The following NADSYN1 variants were observed in gnomAD, a reference collection of about 807,000 sequenced individuals.
The protein encoded by NADSYN1 is NAD synthetase 1, also known as glutamine-dependent NAD(+) synthetase.
Under a neutral mutation model 99.3 loss-of-function variants are expected in NADSYN1, and 80 were observed. The observed-to-expected ratio is 0.81, with a 90% CI of 0.67 to 0.97. The LOEUF is 0.97. Among genes scored for constraint, NADSYN1 ranks in the 50% least tolerant of loss-of-function variants. The pLI is 0.00. For missense variants in NADSYN1, 859 were observed against 948.5 expected, an observed-to-expected ratio of 0.91 and a Z score of 1.24; for synonymous variants, 385 against 372.1, an observed-to-expected ratio of 1.03 and a Z score of -0.40.
At position 71,453,259 on chromosome 11, in the gene NADSYN1, TC is replaced by T; in HGVS notation, c.-33del. 1 of 1,592,178 alleles carries T rather than the reference TC, an allele frequency of 6.3e-7. No homozygotes were observed. The highest frequency in any genetic ancestry group is 8.6e-7 in the Non-Finnish European group (1 of 1,163,314). ...CCTCGCTGGGACCCTGGTCTTGCTG[TC>T]CCCCGCTGGCCTCCTGCCCAAGCGA... is the stretch of plus-strand genomic sequence containing the variant. On this transcript the variant is annotated 5_prime_UTR_variant, in exon 1 of 21. Coordinates refer to ENST00000319023, the MANE Select transcript of NADSYN1 (RefSeq NM_018161.5).
intron 1 of NADSYN1, among the ~76,000 whole-genome samples, chr11:71,454,501 C>T (rs1792315): frequency 0.28 from 42,422 of 152,134 alleles, 6,417 homozygotes; most frequent in South Asian, 0.46. Context: ...CATGAGCCAC[C>T]GCAGCCAGTG....
At chr11:71,453,420 G>C in intron 1 of NADSYN1, 39 bp downstream of exon 1, 1 of 1,567,404 alleles carries the variant, frequency 6.4e-7, no homozygotes, top group South Asian at 1.1e-5. Flanking sequence ...TTGGGGTGGC[G>C]CACGGGCACC....
chr11:71,460,395 G>C (rs1253534881), intron 3 of NADSYN1, among the ~76,000 whole-genome samples: 1 of 152,152 alleles, frequency 6.6e-6, no homozygotes, highest in Non-Finnish European at 1.5e-5. Context: ...CTGTTGTCCA[G>C]GCTGGAGTGC....
rs1050644852 is a variant in NADSYN1, at chr11:71,473,650, C to G, written c.630C>G (p.Asn210Lys). The G allele has an allele frequency of 2.5e-6, 4 of 1,613,044 alleles. No individual in the cohort carries two copies. In the African/African-American group the frequency reaches 5.3e-5, roughly 22 times the overall value. Residue 210 changes from asparagine (N) to lysine (K), a missense_variant, in exon 8 of 21, where the codon AAC becomes AAG. Transcript: ENST00000319023. ...SGSHQVLRKA[N>K]TRVDLVTMVT... ...GCCACCAAGTGCTGCGCAAAGCCAACACCAGGGTGGATCTCGTGACTATGG... is the reference window on the plus strand; with the variant it reads ...GCCACCAAGTGCTGCGCAAAGCCAAGACCAGGGTGGATCTCGTGACTATGG...
At chr11:71,470,147 A>C (rs1314321290) in intron 5 of NADSYN1, among the ~76,000 whole-genome samples, 3 of 152,218 alleles carry the variant, frequency 2.0e-5, no homozygotes, top group Non-Finnish European at 1.5e-5. Context: ...CCATTGTAAA[A>C]GCATCAAATC....
chr11:71,467,066 C>A (rs1300080614), intron 5 of NADSYN1, among the ~76,000 whole-genome samples: 1 of 152,226 alleles, frequency 6.6e-6, no homozygotes, highest in African/African-American at 2.4e-5. Context: ...CATAAGTCCA[C>A]TGCACAGAGA....
intron 4 of NADSYN1, 82 bp downstream of exon 4, chr11:71,463,567 G>C: frequency 7.3e-7 from 1 of 1,366,404 alleles, no homozygotes; most frequent in South Asian, 1.2e-5. Context: ...ACCCGTGCTG[G>C]TGCCCTGGGG....
At position 71,474,642 on chromosome 11, in the gene NADSYN1, G is replaced by C. The variant is rs764923158; in HGVS notation, c.798+116G>C. The C allele has an allele frequency of 2.9e-6, 4 of 1,379,952 alleles. No homozygotes were observed. In the East Asian group the frequency reaches 9.3e-5, roughly 32 times the overall value. The allele number at this position is 1,379,952 out of a possible 1,614,324, so 85.5% of individuals were successfully genotyped here. The stretch of plus-strand genomic sequence containing the variant: ...GGGCCCCTGTGGAGAAGCCCCCGGG[G>C]GTCCCGCCTGCTCCTGGCTCTCCCC... On this transcript the variant is annotated intron_variant, in intron 9 of 20. Transcript: ENST00000319023.
At chr11:71,462,163 G>A (rs1486557212) in intron 3 of NADSYN1, among the ~76,000 whole-genome samples, 1 of 152,166 alleles carries the variant, frequency 6.6e-6, no homozygotes, top group Non-Finnish European at 1.5e-5. Context: ...GGGGGTGATC[G>A]GGGGTCGGAC....
chr11:71,476,918 T>C, intron 9 of NADSYN1: 1 of 989,328 alleles, frequency 1.0e-6, no homozygotes, highest in Non-Finnish European at 1.2e-6. Context: ...GCCTTACACG[T>C]CTCTAGAGTT....
chr11:71,495,820 C>G lies in NADSYN1; in HGVS notation c.1765-1663C>G, dbSNP rs116146270. Among the ~76,000 whole-genome samples the G allele has an allele frequency of 9.0e-3, 1,364 of 152,278 alleles. 21 individuals carry two copies. Among genetic ancestry groups the G allele is most frequent in the African/African-American group, 0.031 (1,295 of 41,556 alleles). On this transcript the variant is annotated intron_variant, in intron 18 of 20. Transcript: ENST00000319023. Reference sequence around the variant, plus strand: ...TGGAGGGACGGACAAGAAGGCCCAGCGGTGGCTCTGGCCATACTGTCTGAT... The same window carrying G: ...TGGAGGGACGGACAAGAAGGCCCAGGGGTGGCTCTGGCCATACTGTCTGAT...
chr11:71,491,119 C>G lies in NADSYN1; in HGVS notation c.1694+143C>G, dbSNP rs1949776090. 4 of 1,150,844 alleles carry G rather than the reference C, an allele frequency of 3.5e-6. No homozygotes were observed. The East Asian group carries it at 7.7e-5, about 22-fold the overall frequency. 71.3% of individuals were successfully genotyped at this position (1,150,844 alleles called of 1,614,324 possible). On this transcript the variant is annotated intron_variant, in intron 17 of 20. Transcript: ENST00000319023. ...CTGCCCCTGAGCTGGCACTTGAGGC[C>G]TGCAACCAAGCCTCCCTTTCTTCCT...
At chr11:71,464,898 G>A (rs1225155802) in intron 5 of NADSYN1, among the ~76,000 whole-genome samples, 3 of 150,742 alleles carry the variant, frequency 2.0e-5, no homozygotes, top group African/African-American at 4.9e-5. Flanking sequence ...AAAAAAGAGC[G>A]GGGTTTTTCT....
At position 71,501,593 on chromosome 11, in the gene NADSYN1, G is replaced by A. The variant is rs1430481335; in HGVS notation, c.*241G>A. On this transcript the variant is annotated 3_prime_UTR_variant, in exon 21 of 21. Coordinates refer to ENST00000319023, the MANE Select transcript of NADSYN1 (RefSeq NM_018161.5). ...ACCTCCCGCCAGCGTGCGCTTCCCC[G>A]CGAAGTCTGGCATTCTCCGAAGGAA... is the stretch of plus-strand genomic sequence containing the variant. 5 of 526,440 alleles carry A rather than the reference G, an allele frequency of 9.5e-6. No individual in the cohort carries two copies. The highest frequency in any genetic ancestry group is 1.9e-5 in the African/African-American group (1 of 51,622). 32.6% of individuals were successfully genotyped at this position (526,440 alleles called of 1,614,324 possible). A position where few individuals can be genotyped will look rare whatever the true frequency, so the allele number is the denominator to read the frequency against.
intron 17 of NADSYN1, among the ~76,000 whole-genome samples, chr11:71,491,196 C>T (rs565437770): frequency 3.8e-4 from 58 of 152,342 alleles, no homozygotes; most frequent in African/African-American, 1.4e-3. Flanking sequence ...GCTGTGGCCT[C>T]CTGCCTCCCC....
At position 71,458,525 on chromosome 11, in the gene NADSYN1, A is replaced by G. The variant is rs1236142303; in HGVS notation, c.244A>G (p.Ile82Val). The change falls in exon 3 of 21, where the codon ATC (isoleucine) becomes GTC (valine). Residue 82 changes from isoleucine to valine, a missense_variant. Transcript: ENST00000319023. ...TGTGGAGTCTCCCGTCACTCAGGAC[A>G]TCATCTGCGACGTGGGGATGTAAGT... ...ALVESPVTQDIICDVGMPVMH... is the reference protein window; with the variant it reads ...ALVESPVTQDVICDVGMPVMH... 4.3e-6 allele frequency: 7 copies of G among 1,610,520 alleles called. No homozygotes were observed. Among genetic ancestry groups the G allele is most frequent in the Non-Finnish European group, 5.9e-6 (7 of 1,176,618 alleles).
At position 71,464,041 on chromosome 11, in the gene NADSYN1, C is replaced by T. The variant is rs1949569948; in HGVS notation, c.318-12C>T. On this transcript the variant is annotated splice_polypyrimidine_tract_variant and intron_variant, in intron 4 of 20. Transcript: ENST00000319023. ...GAGCCCGGTGTGCACAGCCCTGTTC[C>T]CCTGTCTGCAGGAAGATCCTGCTCA... 1 of 1,605,618 alleles carries T rather than the reference C, an allele frequency of 6.2e-7. No individual in the cohort carries two copies. Among genetic ancestry groups the T allele is most frequent in the South Asian group, 1.1e-5 (1 of 89,670 alleles).
intron 16 of NADSYN1, among the ~76,000 whole-genome samples, chr11:71,490,548 G>A (rs1255374462): frequency 6.6e-6 from 1 of 152,086 alleles, no homozygotes; most frequent in Non-Finnish European, 1.5e-5. Context: ...GCTCACTCCC[G>A]ACACCCCAAG....
At position 71,453,239 on chromosome 11, in the gene NADSYN1, C is replaced by G; in HGVS notation, c.-58C>G. On this transcript the variant is annotated 5_prime_UTR_variant, in exon 1 of 21. Transcript: ENST00000319023. The stretch of plus-strand genomic sequence containing the variant: ...TCCGGCGTCCCAGCCGCCTACCTCG[C>G]TGGGACCCTGGTCTTGCTGTCCCCC... The G allele has an allele frequency of 1.3e-6, 2 of 1,515,088 alleles. No individual in the cohort carries two copies. Among genetic ancestry groups the G allele is most frequent in the Non-Finnish European group, 1.8e-6 (2 of 1,100,422 alleles). 93.9% of individuals were successfully genotyped at this position (1,515,088 alleles called of 1,614,324 possible).
Sources: gnomAD v4.1 joint callset for allele counts (sites outside exome capture counted in the v4.1 genomes callset) on GRCh38, gnomAD v4.1.1 for gene constraint, MANE v1.5 for transcripts, NCBI Gene and HGNC (gene_info 2026-07-23, HGNC 2026-07-21) for gene names.